Variants in THADA observed in about 807,000 individuals in gnomAD.
THADA encodes tRNA (32-2'-O)-methyltransferase regulator THADA.
Under a neutral mutation model 219.8 loss-of-function variants are expected in THADA, and 213 were observed. The observed-to-expected ratio is 0.97, with a 90% CI of 0.87 to 1.09. THADA has a LOEUF of 1.09. Ranked by LOEUF, THADA falls within the 50% of genes least tolerant of loss-of-function variation. The pLI is 0.00. For synonymous variants in THADA, 1,018 were observed against 828.9 expected (o/e 1.23, Z -3.92); for missense variants, 2,956 against 2,311.3 (o/e 1.28, Z -5.72).
intron 14 of THADA, among the ~76,000 whole-genome samples, chr2:43,569,143 T>G (rs1395666964): frequency 1.3e-5 from 2 of 152,044 alleles, no homozygotes; most frequent in South Asian, 2.1e-4. Flanking sequence ...GTCTCAGGGT[T>G]GCCTTTTTCT....
chr2:43,285,171 A>C (rs909020243), intron 35 of THADA, among the ~76,000 whole-genome samples: 1 of 152,174 alleles, frequency 6.6e-6, no homozygotes, highest in African/African-American at 2.4e-5. Context: ...ACTGTTGAGA[A>C]GGGATAATTG....
chr2:43,425,335 ACTTT>A (rs1678275554), intron 28 of THADA, among the ~76,000 whole-genome samples: 1 of 152,042 alleles, frequency 6.6e-6, no homozygotes, highest in Admixed American at 6.6e-5. Context: ...TGCTCAGAAC[ACTTT>A]CTTTCTTGTT....
At chr2:43,282,832 T>C (rs1021984189) in intron 35 of THADA, among the ~76,000 whole-genome samples, 4 of 152,244 alleles carry the variant, frequency 2.6e-5, no homozygotes, top group African/African-American at 9.6e-5. Flanking sequence ...CCTTTCCTAT[T>C]ACTCTTGACA....
At chr2:43,290,440 C>T (rs1219623016) in intron 34 of THADA, among the ~76,000 whole-genome samples, 2 of 152,216 alleles carry the variant, frequency 1.3e-5, no homozygotes, top group Non-Finnish European at 1.5e-5. Flanking sequence ...ATTGGACCTG[C>T]TTGTTAATTC....
intron 17 of THADA, among the ~76,000 whole-genome samples, chr2:43,552,596 G>A (rs1383567562): frequency 3.3e-5 from 5 of 151,768 alleles, no homozygotes; most frequent in African/African-American, 1.2e-4. Context: ...CTCTCACTAG[G>A]GTATCAAACC....
intron 15 of THADA, chr2:43,566,207 G>T (rs886115154): frequency 1.2e-5 from 5 of 424,330 alleles, no homozygotes; most frequent in Admixed American, 4.3e-5. Flanking sequence ...AAAAACAAAG[G>T]GTATTATTAA....
intron 36 of THADA, among the ~76,000 whole-genome samples, chr2:43,255,239 T>C (rs1009103746): frequency 1.3e-5 from 2 of 152,246 alleles, no homozygotes; most frequent in Non-Finnish European, 2.9e-5. Flanking sequence ...TTATTTTATA[T>C]ACACATATAA....
At chr2:43,440,298 G>C (rs1447129358) in intron 26 of THADA, among the ~76,000 whole-genome samples, 1 of 151,972 alleles carries the variant, frequency 6.6e-6, no homozygotes, top group Non-Finnish European at 1.5e-5. Flanking sequence ...AATGGCTACA[G>C]AGTAATCTAT....
At chr2:43,232,364 G>A (rs528453830) in intron 37 of THADA, among the ~76,000 whole-genome samples, 32 of 152,204 alleles carry the variant, frequency 2.1e-4, no homozygotes, top group Non-Finnish European at 2.5e-4. Flanking sequence ...ATTTTTAGTA[G>A]AGACGGGGTT....
chr2:43,389,592 G>C (rs953630994), intron 29 of THADA, among the ~76,000 whole-genome samples: 2 of 152,150 alleles, frequency 1.3e-5, no homozygotes, highest in African/African-American at 2.4e-5. Flanking sequence ...GCTTGGCCCG[G>C]CATTTGTGGT....
chr2:43,463,779 T>C (rs1333231891), intron 26 of THADA, among the ~76,000 whole-genome samples: 1 of 152,156 alleles, frequency 6.6e-6, no homozygotes, highest in East Asian at 1.9e-4. Flanking sequence ...AGTAAAGAAA[T>C]TTTACATTAA....
intron 29 of THADA, among the ~76,000 whole-genome samples, chr2:43,362,419 T>C (rs756657794): frequency 6.6e-6 from 1 of 152,240 alleles, no homozygotes; most frequent in Non-Finnish European, 1.5e-5. Flanking sequence ...ATCATGTTAC[T>C]GTACTGAATA....
At chr2:43,526,459 C>G (rs576395612) in intron 22 of THADA, among the ~76,000 whole-genome samples, 2 of 152,196 alleles carry the variant, frequency 1.3e-5, no homozygotes, top group Non-Finnish European at 2.9e-5. Context: ...AACATTTACT[C>G]ACAATGTTTC....
intron 36 of THADA, among the ~76,000 whole-genome samples, chr2:43,258,595 G>A (rs1670584907): frequency 6.6e-6 from 1 of 152,168 alleles, no homozygotes; most frequent in Non-Finnish European, 1.5e-5. Context: ...TTAACTGGGT[G>A]TCCTATATTT....
Position 43,230,862 on chromosome 2 carries a change from T to G in THADA, c.*86A>C. 1 of 1,458,102 alleles carries G rather than the reference T, an allele frequency of 6.9e-7. No homozygotes were observed. The allele number at this position is 1,458,102 out of a possible 1,614,324, so 90.3% of individuals were successfully genotyped here. Reference sequence around the variant, plus strand: ...AGGGGAGGCATGAATGGGATAAAATTTTTGAATTTATGTTCAACATGTTTC... The same window carrying G: ...AGGGGAGGCATGAATGGGATAAAATGTTTGAATTTATGTTCAACATGTTTC... On this transcript the variant is annotated 3_prime_UTR_variant, in exon 38 of 38. Transcript: ENST00000405975.
intron 31 of THADA, among the ~76,000 whole-genome samples, chr2:43,308,041 A>T (rs183742796): frequency 1.1e-5 from 1 of 92,858 alleles, no homozygotes; most frequent in African/African-American, 6.6e-5. Context: ...ATCTAAAATT[A>T]AAAAAAATTC....
At chr2:43,512,670 C>T (rs1436243597) in intron 22 of THADA, among the ~76,000 whole-genome samples, 2 of 152,148 alleles carry the variant, frequency 1.3e-5, no homozygotes, top group East Asian at 1.9e-4. Flanking sequence ...GCCCAGCTAA[C>T]TTTGTATTTT....
chr2:43,352,361 C>T (rs1205114427), intron 29 of THADA, among the ~76,000 whole-genome samples: 1 of 152,016 alleles, frequency 6.6e-6, no homozygotes, highest in African/African-American at 2.4e-5. Context: ...AGTTCGAGAC[C>T]AGCCTGGCCA....
chr2:43,313,412 TAAAAC>T (rs949671329), intron 31 of THADA, among the ~76,000 whole-genome samples: 14 of 152,226 alleles, frequency 9.2e-5, no homozygotes, highest in African/African-American at 3.4e-4. Flanking sequence ...ATATTCCAGT[TAAAAC>T]AAAATGTTTA....
Sources: allele counts gnomAD v4.1 joint callset (sites outside exome capture counted in the v4.1 genomes callset), GRCh38; gene constraint gnomAD v4.1.1; transcripts MANE v1.5; gene names NCBI Gene and HGNC (gene_info 2026-07-23, HGNC 2026-07-21).